The following RABGAP1L variants were observed in gnomAD, a reference collection of about 807,000 sequenced individuals.
RABGAP1L encodes the protein rab GTPase-activating protein 1-like.
In RABGAP1L, 63 loss-of-function variants were observed where a neutral mutation model predicts 137.7. The observed-to-expected ratio is 0.46, with a 90% CI of 0.37 to 0.56. The LOEUF is 0.56. RABGAP1L is among the 20% of genes least tolerant of loss of function. The pLI, the probability that RABGAP1L is intolerant of heterozygous loss-of-function variation, is 0.00. For missense variants in RABGAP1L, 1,095 were observed against 1,244.0 expected, an observed-to-expected ratio of 0.88 and a Z score of 1.80; for synonymous variants, 431 against 433.7, an observed-to-expected ratio of 0.99 and a Z score of 0.08.
intron 13 of RABGAP1L, among the ~76,000 whole-genome samples, chr1:174,558,566 G>A (rs1352539222): frequency 6.6e-6 from 1 of 152,188 alleles, no homozygotes; most frequent in East Asian, 1.9e-4. Flanking sequence ...GTTAAAGGTA[G>A]AAGTATCTGG....
intron 13 of RABGAP1L, among the ~76,000 whole-genome samples, chr1:174,568,947 T>C (rs1296287907): frequency 1.3e-5 from 2 of 152,220 alleles, no homozygotes; most frequent in Non-Finnish European, 2.9e-5. Flanking sequence ...GTTGGGTATT[T>C]AATTGTATGC....
intron 15 of RABGAP1L, among the ~76,000 whole-genome samples, chr1:174,697,456 G>T (rs964932239): frequency 6.6e-6 from 1 of 151,948 alleles, no homozygotes; most frequent in African/African-American, 2.4e-5. Context: ...CAGTATCTAG[G>T]ATTACATGTA....
chr1:174,349,767 TGGCC>T (rs1558154217), intron 11 of RABGAP1L, among the ~76,000 whole-genome samples: 18 of 127,462 alleles, frequency 1.4e-4, no homozygotes, highest in Non-Finnish European at 2.4e-4. Context: ...ACGGGGCGGC[TGGCC>T]GGGCAGAGGG....
At chr1:174,312,911 G>T (rs537255403) in intron 11 of RABGAP1L, among the ~76,000 whole-genome samples, 1 of 152,132 alleles carries the variant, frequency 6.6e-6, no homozygotes, top group Non-Finnish European at 1.5e-5. Flanking sequence ...CACTGTAGAC[G>T]TATGGATTTA....
At chr1:174,577,563 A>G (rs1304694141) in intron 13 of RABGAP1L, among the ~76,000 whole-genome samples, 1 of 152,140 alleles carries the variant, frequency 6.6e-6, no homozygotes, top group African/African-American at 2.4e-5. Flanking sequence ...TGTCCTAAAA[A>G]TAGTATATCC....
chr1:174,359,207 T>G (rs562151798), intron 11 of RABGAP1L, among the ~76,000 whole-genome samples: 1 of 152,312 alleles, frequency 6.6e-6, no homozygotes, highest in South Asian at 2.1e-4. Flanking sequence ...GCAAGCCTTC[T>G]CGGTGTGTCT....
At chr1:174,620,352 C>T (rs1220711605) in intron 13 of RABGAP1L, among the ~76,000 whole-genome samples, 1 of 152,220 alleles carries the variant, frequency 6.6e-6, no homozygotes, top group Non-Finnish European at 1.5e-5. Context: ...CACCACACCA[C>T]ACCTAGTCCA....
chr1:174,357,333 A>C (rs1683724713), intron 11 of RABGAP1L, among the ~76,000 whole-genome samples: 1 of 152,198 alleles, frequency 6.6e-6, no homozygotes, highest in Non-Finnish European at 1.5e-5. Context: ...AGGAATGTAC[A>C]CAATTCTTTG....
chr1:174,487,218 G>A (rs75942031), intron 13 of RABGAP1L, among the ~76,000 whole-genome samples: 3 of 152,034 alleles, frequency 2.0e-5, no homozygotes, highest in Non-Finnish European at 2.9e-5. Context: ...TGAAAGTGGG[G>A]TGTTGAAGTC....
At chr1:174,194,189 A>ATGG (rs973992610) in intron 1 of RABGAP1L, among the ~76,000 whole-genome samples, 10 of 151,326 alleles carry the variant, frequency 6.6e-5, no homozygotes, top group African/African-American at 1.7e-4. Flanking sequence ...GTGGTAATTA[A>ATGG]TGGTGGTGGT....
chr1:174,591,607 G>A (rs1232817400), intron 13 of RABGAP1L, among the ~76,000 whole-genome samples: 1 of 41,928 alleles, frequency 2.4e-5, no homozygotes, highest in Admixed American at 3.4e-4. Flanking sequence ...ATTAAATAGG[G>A]AATCCTTTCC....
chr1:174,283,672 A>G (rs1364455209), intron 10 of RABGAP1L, among the ~76,000 whole-genome samples: 1 of 151,882 alleles, frequency 6.6e-6, no homozygotes, highest in Non-Finnish European at 1.5e-5. Flanking sequence ...ACGCCTGTCT[A>G]ATTTTTGTAT....
chr1:174,171,684 C>T (rs987762273), intron 1 of RABGAP1L, among the ~76,000 whole-genome samples: 9 of 143,278 alleles, frequency 6.3e-5, no homozygotes, highest in South Asian at 2.2e-4. Context: ...CTTGTTTCTG[C>T]GTATTCAGCT....
intron 17 of RABGAP1L, among the ~76,000 whole-genome samples, chr1:174,708,824 C>T: frequency 6.6e-6 from 1 of 152,204 alleles, no homozygotes; most frequent in East Asian, 1.9e-4. Flanking sequence ...TGAGACAGAA[C>T]TGTTCACTCC....
At chr1:174,678,022 G>A (rs1190528935) in intron 14 of RABGAP1L, among the ~76,000 whole-genome samples, 1 of 151,758 alleles carries the variant, frequency 6.6e-6, no homozygotes, top group Non-Finnish European at 1.5e-5. Context: ...GACTAATCAA[G>A]GAAAAGAGAA....
chr1:174,847,503 A>T (rs1308783163), intron 19 of RABGAP1L, among the ~76,000 whole-genome samples: 2 of 149,532 alleles, frequency 1.3e-5, no homozygotes, highest in African/African-American at 2.5e-5. Flanking sequence ...GTTTGGCTGG[A>T]TATGAAATTC....
At chr1:174,893,360 G>T (rs1321918743) in intron 19 of RABGAP1L, among the ~76,000 whole-genome samples, 1 of 151,744 alleles carries the variant, frequency 6.6e-6, no homozygotes, top group South Asian at 2.1e-4. Flanking sequence ...AATTATGTGG[G>T]GTGACTATTA....
At chr1:174,877,495 A>G (rs756751837) in intron 19 of RABGAP1L, 18 of 1,614,050 alleles carry the variant, frequency 1.1e-5, no homozygotes, top group South Asian at 9.9e-5. Flanking sequence ...AGCTGGCAAG[A>G]TGATGGAAGA....
chr1:174,837,492 C>A (rs895538902), intron 19 of RABGAP1L, among the ~76,000 whole-genome samples: 2 of 152,184 alleles, frequency 1.3e-5, no homozygotes, highest in African/African-American at 4.8e-5. Context: ...TTGGGCAAAT[C>A]TCACACACAG....
Sources: allele counts gnomAD v4.1 joint callset (sites outside exome capture counted in the v4.1 genomes callset), GRCh38; gene constraint gnomAD v4.1.1; transcripts MANE v1.5; gene names NCBI Gene and HGNC (gene_info 2026-07-23, HGNC 2026-07-21).